The following CRTAC1 variants were observed in gnomAD, a reference collection of about 807,000 sequenced individuals.
CRTAC1 encodes the protein acidic secreted protein in cartilage.
Under a neutral mutation model 67.8 loss-of-function variants are expected in CRTAC1, and 37 were observed. The observed-to-expected ratio is 0.55, with a 90% CI of 0.42 to 0.72. CRTAC1 has a LOEUF of 0.72. Ranked by LOEUF, CRTAC1 falls within the 30% of genes least tolerant of loss-of-function variation. CRTAC1 has a pLI of 0.00. For missense variants in CRTAC1, 780 were observed against 931.6 expected (o/e 0.84, Z 2.12); for synonymous variants, 348 against 371.0 (o/e 0.94, Z 0.71).
chr10:97,935,597 C>T (rs1035995816), intron 3 of CRTAC1, among the ~76,000 whole-genome samples: 6 of 152,198 alleles, frequency 3.9e-5, no homozygotes, highest in South Asian at 2.1e-4. Context: ...AAAGGCTCCA[C>T]GAACTCAAGG....
intron 2 of CRTAC1, among the ~76,000 whole-genome samples, chr10:97,937,727 C>T (rs191493948): frequency 3.3e-4 from 51 of 152,274 alleles, no homozygotes; most frequent in African/African-American, 1.2e-3. Context: ...TGCCCAAGGT[C>T]ACACCCCAGG....
chr10:97,978,441 C>T (rs1233736545), intron 2 of CRTAC1, among the ~76,000 whole-genome samples: 1 of 152,148 alleles, frequency 6.6e-6, no homozygotes, highest in East Asian at 1.9e-4. Flanking sequence ...TACATCATTA[C>T]TCCAATGAGA....
chr10:97,903,020 C>T (rs1246654812), intron 7 of CRTAC1, among the ~76,000 whole-genome samples: 4 of 151,762 alleles, frequency 2.6e-5, no homozygotes, highest in African/African-American at 7.3e-5. Flanking sequence ...TTGCCCTATT[C>T]GATGCCTGAG....
chr10:98,030,236 G>T lies in CRTAC1; in HGVS notation c.24+213C>A, dbSNP rs1331718249. On this transcript the variant is annotated intron_variant, in intron 1 of 14. Coordinates refer to ENST00000370597, the MANE Select transcript of CRTAC1 (RefSeq NM_018058.7). This position sits in a 1 kb window ranked among gnomAD's most constrained non-coding sequence, Gnocchi z 4.2. ...CTCCGCCACCTCCAACCCGGCCGCCGCCTCACCCCCAGCCCGCGGGGGAGG... is the reference window on the plus strand; with the variant it reads ...CTCCGCCACCTCCAACCCGGCCGCCTCCTCACCCCCAGCCCGCGGGGGAGG... Among the ~76,000 whole-genome samples the T allele has an allele frequency of 6.6e-6, 1 of 151,898 alleles. No homozygotes were observed. Among genetic ancestry groups the T allele is most frequent in the African/African-American group, 2.4e-5 (1 of 41,344 alleles).
At chr10:97,914,323 C>T (rs2050728882) in intron 5 of CRTAC1, among the ~76,000 whole-genome samples, 1 of 152,130 alleles carries the variant, frequency 6.6e-6, no homozygotes, top group East Asian at 1.9e-4. Flanking sequence ...AGGAGGTGCC[C>T]AGCAGAAGGC....
At chr10:97,976,075 G>A (rs1311041907) in intron 2 of CRTAC1, among the ~76,000 whole-genome samples, 3 of 152,172 alleles carry the variant, frequency 2.0e-5, no homozygotes, top group East Asian at 1.9e-4. Flanking sequence ...TGGAGAGCCT[G>A]TTCCTGGCCA....
intron 14 of CRTAC1, chr10:97,869,710 G>A (rs778763182): frequency 6.6e-6 from 1 of 152,314 alleles, no homozygotes; most frequent in African/African-American, 2.4e-5. Context: ...CGTCCCCCAC[G>A]GCTCCCCGGT....
At chr10:97,885,506 C>T (rs1303213479) in intron 11 of CRTAC1, among the ~76,000 whole-genome samples, 1 of 152,220 alleles carries the variant, frequency 6.6e-6, no homozygotes, top group African/African-American at 2.4e-5. Flanking sequence ...CCTAAAGCAA[C>T]GTGCCACATC....
intron 3 of CRTAC1, among the ~76,000 whole-genome samples, chr10:97,929,899 A>G (rs1342546817): frequency 6.6e-6 from 1 of 152,234 alleles, no homozygotes; most frequent in Non-Finnish European, 1.5e-5. Flanking sequence ...AACCAGCAAG[A>G]CAGTGATGGC....
At chr10:98,000,950 C>T (rs978570821) in intron 2 of CRTAC1, among the ~76,000 whole-genome samples, 2 of 152,116 alleles carry the variant, frequency 1.3e-5, no homozygotes, top group Non-Finnish European at 2.9e-5. Flanking sequence ...AAGAAACACA[C>T]ATAAAACATA....
At chr10:97,991,281 C>T (rs905977997) in intron 2 of CRTAC1, among the ~76,000 whole-genome samples, 9 of 151,506 alleles carry the variant, frequency 5.9e-5, no homozygotes, top group Non-Finnish European at 1.0e-4. Flanking sequence ...GGTGTGGTGG[C>T]ACACACCTGT....
intron 2 of CRTAC1, among the ~76,000 whole-genome samples, chr10:97,971,792 A>C (rs2051716735): frequency 6.6e-6 from 1 of 152,160 alleles, no homozygotes; most frequent in African/African-American, 2.4e-5. Flanking sequence ...TGTTTTTCAA[A>C]GATACGTCTT....
At chr10:98,025,795 G>A (rs1205122376) in intron 1 of CRTAC1, among the ~76,000 whole-genome samples, 1 of 152,202 alleles carries the variant, frequency 6.6e-6, no homozygotes, top group Non-Finnish European at 1.5e-5. Context: ...AGGCTCCAAG[G>A]AAGGCTTCTC....
At chr10:97,965,043 T>A (rs1805630315) in intron 2 of CRTAC1, among the ~76,000 whole-genome samples, 1 of 152,106 alleles carries the variant, frequency 6.6e-6, no homozygotes, top group African/African-American at 2.4e-5. Flanking sequence ...AATTGGAAGG[T>A]GACGCTGATG....
intron 2 of CRTAC1, among the ~76,000 whole-genome samples, chr10:97,954,122 G>C (rs1346601034): frequency 6.6e-6 from 1 of 152,118 alleles, no homozygotes; most frequent in Non-Finnish European, 1.5e-5. Context: ...GACCCCACAA[G>C]GCTCCTGGTC....
At chr10:97,976,115 G>T (rs559001938) in intron 2 of CRTAC1, among the ~76,000 whole-genome samples, 2 of 152,298 alleles carry the variant, frequency 1.3e-5, no homozygotes, top group South Asian at 4.1e-4. Context: ...GGCCGCCGCA[G>T]CGTACTCTCA....
chr10:97,940,514 A>G (rs2051155630), intron 2 of CRTAC1, among the ~76,000 whole-genome samples: 1 of 152,266 alleles, frequency 6.6e-6, no homozygotes, highest in African/African-American at 2.4e-5. Context: ...TGATGGGCTC[A>G]GTGGCAACTG....
At chr10:98,002,761 C>CTGTTTTTTTTTTTTTTTTTTT (rs771351655) in intron 2 of CRTAC1, among the ~76,000 whole-genome samples, 3 of 37,268 alleles carry the variant, frequency 8.0e-5, no homozygotes, top group African/African-American at 2.4e-4. Flanking sequence ...ACAAAACTCA[C>CTGTTTTTTTTTTTTTTTTTTT]TTTTTTTTTT....
intron 14 of CRTAC1, chr10:97,868,856 A>C (rs2050057835): frequency 6.6e-6 from 1 of 152,166 alleles, no homozygotes; most frequent in African/African-American, 2.4e-5. Flanking sequence ...GGTAATCATA[A>C]TAATAATAGT....
Sources: gnomAD v4.1 joint callset for allele counts (sites outside exome capture counted in the v4.1 genomes callset) on GRCh38, gnomAD v4.1.1 for gene constraint, Gnocchi (gnomAD v3.1) non-coding constraint, MANE v1.5 for transcripts, NCBI Gene and HGNC (gene_info 2026-07-23, HGNC 2026-07-21) for gene names.